Variants in DNM3 observed in about 807,000 individuals in gnomAD.
The protein encoded by DNM3 is dynamin 3, also known as dynamin-3.
A neutral mutation model predicts 101.6 loss-of-function variants in DNM3; 47 were observed. The ratio of observed to expected loss-of-function variants is 0.46; its 90% CI spans 0.37 to 0.59. The LOEUF (loss-of-function observed/expected upper bound fraction) is 0.59. DNM3 is among the 20% of genes least tolerant of loss of function. DNM3 has a pLI of 0.00. For synonymous variants in DNM3, 385 were observed against 387.9 expected, an observed-to-expected ratio of 0.99 and a Z score of 0.09; for missense variants, 849 against 1,085.7, an observed-to-expected ratio of 0.78 and a Z score of 3.06.
chr1:171,955,897 G>A (rs1335708495), intron 2 of DNM3, among the ~76,000 whole-genome samples: 1 of 152,150 alleles, frequency 6.6e-6, no homozygotes, highest in East Asian at 1.9e-4. Flanking sequence ...GCAGACAAGA[G>A]GAGAGAGGTT....
chr1:172,197,200 C>T (rs1211795949), intron 14 of DNM3, among the ~76,000 whole-genome samples: 4 of 151,820 alleles, frequency 2.6e-5, no homozygotes, highest in African/African-American at 7.3e-5. Context: ...TCAGCTTTGT[C>T]GAAGATCAGA....
chr1:172,108,008 G>C (rs1261521230), intron 13 of DNM3, among the ~76,000 whole-genome samples: 2 of 151,806 alleles, frequency 1.3e-5, no homozygotes, highest in East Asian at 3.9e-4. Flanking sequence ...GAGGTACCCG[G>C]TGGTTAACCT....
intron 14 of DNM3, among the ~76,000 whole-genome samples, chr1:172,230,731 G>A (rs2061304868): frequency 1.3e-5 from 2 of 151,962 alleles, no homozygotes; most frequent in South Asian, 4.2e-4. Context: ...GCACACTTCT[G>A]TTTCCAGCAC....
chr1:171,968,832 G>C (rs1291138896), intron 2 of DNM3, among the ~76,000 whole-genome samples: 1 of 152,044 alleles, frequency 6.6e-6, no homozygotes, highest in African/African-American at 2.4e-5. Flanking sequence ...ATTTTCTGTT[G>C]GAACAAATGA....
At chr1:172,140,185 T>C (rs1452424732) in intron 14 of DNM3, 1 of 152,050 alleles carries the variant, frequency 6.6e-6, no homozygotes, top group African/African-American at 2.4e-5. Flanking sequence ...TCTACAAATC[T>C]GGACTTTTAT....
intron 2 of DNM3, among the ~76,000 whole-genome samples, chr1:171,964,505 G>A (rs577939972): frequency 2.0e-5 from 3 of 152,184 alleles, no homozygotes; most frequent in Non-Finnish European, 4.4e-5. Context: ...TACATGTACC[G>A]ATGGATGTCT....
chr1:172,388,440 A>T, intron 19 of DNM3, 133 bp from the exon 20 acceptor site: 1 of 777,030 alleles, frequency 1.3e-6, no homozygotes, highest in Non-Finnish European at 2.1e-6. Flanking sequence ...TATCCCTTTG[A>T]CTTTCATGAC....
At chr1:172,268,996 G>A (rs559495476) in intron 15 of DNM3, among the ~76,000 whole-genome samples, 4 of 152,246 alleles carry the variant, frequency 2.6e-5, no homozygotes, top group East Asian at 1.9e-4. Context: ...GAGCCTTTGC[G>A]TATTTCAAAC....
At chr1:172,285,208 A>C (rs2063650602) in intron 15 of DNM3, among the ~76,000 whole-genome samples, 1 of 152,198 alleles carries the variant, frequency 6.6e-6, no homozygotes, top group South Asian at 2.1e-4. Flanking sequence ...TTCTTTGAAG[A>C]GTCGGTTATA....
At chr1:172,263,446 A>G (rs1426016053) in intron 15 of DNM3, among the ~76,000 whole-genome samples, 8 of 152,186 alleles carry the variant, frequency 5.3e-5, no homozygotes, top group Non-Finnish European at 1.2e-4. Flanking sequence ...CAGTATTGGT[A>G]CTGTGTATTA....
intron 15 of DNM3, among the ~76,000 whole-genome samples, chr1:172,300,065 T>G (rs1161822609): frequency 6.6e-6 from 1 of 152,208 alleles, no homozygotes; most frequent in East Asian, 1.9e-4. Context: ...TTTGGCTTTT[T>G]AGTAGTAGCC....
At chr1:172,317,874 C>T (rs1007477107) in intron 16 of DNM3, among the ~76,000 whole-genome samples, 2 of 152,198 alleles carry the variant, frequency 1.3e-5, no homozygotes, top group Non-Finnish European at 2.9e-5. Flanking sequence ...AGGGAATCCT[C>T]CCTAACTCAT....
Position 172,033,348 on chromosome 1 carries a change from TA to T in DNM3, c.849+84del, listed in dbSNP as rs1441483052. On this transcript the variant is annotated intron_variant, in intron 6 of 20. Coordinates refer to ENST00000627582, the MANE Select transcript of DNM3 (RefSeq NM_015569.5). ...AATTCATATTTATTATTTTTAAGTT[TA>T]TTTTTTTTTCCAAAACAAGACATGC... 8.5e-6 allele frequency: 12 copies of T among 1,411,028 alleles called. No homozygotes were observed. The East Asian group carries it at 2.3e-4, about 27-fold the overall frequency. 87.4% of individuals were successfully genotyped at this position (1,411,028 alleles called of 1,614,324 possible). A position where few individuals can be genotyped will look rare whatever the true frequency, so the allele number is the denominator to read the frequency against.
intron 14 of DNM3, among the ~76,000 whole-genome samples, chr1:172,174,553 T>C (rs559810109): frequency 6.6e-6 from 1 of 151,890 alleles, no homozygotes; most frequent in South Asian, 2.1e-4. Context: ...CTTCCTTGGC[T>C]GACATTTTTT....
chr1:172,086,869 A>C (rs920854115), intron 12 of DNM3, among the ~76,000 whole-genome samples: 1 of 152,190 alleles, frequency 6.6e-6, no homozygotes, highest in African/African-American at 2.4e-5. Flanking sequence ...AGAAGCTACT[A>C]CCTGTATGTG....
chr1:172,352,496 C>A (rs2067244276), intron 17 of DNM3, among the ~76,000 whole-genome samples: 1 of 152,058 alleles, frequency 6.6e-6, no homozygotes, highest in Admixed American at 6.6e-5. Context: ...GCATAAGCCT[C>A]AGGGAAAATA....
At chr1:172,119,848 AC>A (rs2056189993) in intron 13 of DNM3, among the ~76,000 whole-genome samples, 1 of 152,084 alleles carries the variant, frequency 6.6e-6, no homozygotes, top group Non-Finnish European at 1.5e-5. Context: ...CATCTTCGAC[AC>A]CCCTTTCTCT....
Position 171,987,689 on chromosome 1 carries a change from A to G in DNM3, c.269A>G (p.Lys90Arg), listed in dbSNP as rs1270339595. ...YAEFLHCKGK[K>R]FTDFDEVRLE... The stretch of plus-strand genomic sequence containing the variant: ...GAGTTTCTACATTGCAAAGGAAAGA[A>G]ATTTACAGATTTTGATGAAGTTCGC... The change falls in exon 3 of 21, where the codon AAA becomes AGA. Residue 90 changes from lysine to arginine, a missense_variant. Lys to Arg is a conservative substitution (Grantham distance 26). Coordinates refer to ENST00000627582, the MANE Select transcript of DNM3 (RefSeq NM_015569.5). 2.8e-5 allele frequency: 44 copies of G among 1,593,206 alleles called. No individual in the cohort carries two copies. The highest frequency in any genetic ancestry group is 3.6e-5 in the Non-Finnish European group (42 of 1,171,310).
At chr1:172,194,239 A>T (rs9425505) in intron 14 of DNM3, among the ~76,000 whole-genome samples, 75,929 of 151,840 alleles carry the variant, frequency 0.5, 21,007 homozygotes, top group African/African-American at 0.75. Flanking sequence ...TTTGTTATAA[A>T]GTCTGTTGTT....
Sources: gnomAD v4.1 joint callset for allele counts (sites outside exome capture counted in the v4.1 genomes callset) on GRCh38, gnomAD v4.1.1 for gene constraint, MANE v1.5 for transcripts, NCBI Gene and HGNC (gene_info 2026-07-23, HGNC 2026-07-21) for gene names.